GALNT17: variants seen among roughly 807,000 people sequenced by gnomAD.
GALNT17 encodes polypeptide N-acetylgalactosaminyltransferase 17.
Under a neutral mutation model 63.7 loss-of-function variants are expected in GALNT17, and 29 were observed. The ratio of observed to expected loss-of-function variants is 0.46; its 90% confidence interval spans 0.34 to 0.62. The LOEUF is 0.62. GALNT17 is among the 20% of genes least tolerant of loss of function. The probability of loss-of-function intolerance (pLI) is 0.01; values close to 1 mark genes in which losing one functional copy is unlikely to be tolerated. For synonymous variants in GALNT17, 305 were observed against 318.3 expected, an observed-to-expected ratio of 0.96 and a Z score of 0.45; for missense variants, 603 against 799.6, an observed-to-expected ratio of 0.75 and a Z score of 2.97.
intron 5 of GALNT17, among the ~76,000 whole-genome samples, chr7:71,435,540 C>A (rs1390407691): frequency 1.3e-5 from 2 of 152,172 alleles, no homozygotes. Context: ...ATTTTGCAGA[C>A]CCTGCACTTG....
intron 2 of GALNT17, among the ~76,000 whole-genome samples, chr7:71,366,600 A>G (rs1419153818): frequency 6.6e-6 from 1 of 151,866 alleles, no homozygotes; most frequent in Non-Finnish European, 1.5e-5. Flanking sequence ...ACAAACAAGA[A>G]ATCCTCTTCA....
At chr7:71,207,948 T>C (rs1789304784) in intron 1 of GALNT17, among the ~76,000 whole-genome samples, 2 of 151,732 alleles carry the variant, frequency 1.3e-5, no homozygotes, top group South Asian at 4.1e-4. Flanking sequence ...CTTTTTTTTT[T>C]TTTTGAGACA....
intron 1 of GALNT17, among the ~76,000 whole-genome samples, chr7:71,182,403 T>C (rs1468271894): frequency 1.3e-5 from 2 of 152,190 alleles, no homozygotes; most frequent in Non-Finnish European, 2.9e-5. Context: ...GGGCTGGACT[T>C]GGAGATCCAG....
intron 1 of GALNT17, among the ~76,000 whole-genome samples, chr7:71,259,650 T>TTTTG (rs1790350446): frequency 1.3e-5 from 2 of 148,540 alleles, no homozygotes; most frequent in South Asian, 2.2e-4. Flanking sequence ...TTTTTTGTTT[T>TTTTG]TTTTTTTTTG....
chr7:71,494,099 A>ACAATCACGGCT (rs1788054851), intron 5 of GALNT17, among the ~76,000 whole-genome samples: 1 of 152,148 alleles, frequency 6.6e-6, no homozygotes, highest in African/African-American at 2.4e-5. Flanking sequence ...GGGAGGCCTC[A>ACAATCACGGCT]GGAAACTTAT....
At chr7:71,670,796 G>A (rs1289832157) in intron 8 of GALNT17, among the ~76,000 whole-genome samples, 1 of 152,054 alleles carries the variant, frequency 6.6e-6, no homozygotes, top group Admixed American at 6.6e-5. Context: ...AGGTCACAGA[G>A]CGTGTAAGTC....
At chr7:71,628,448 G>A (rs951648387) in intron 6 of GALNT17, among the ~76,000 whole-genome samples, 8 of 151,944 alleles carry the variant, frequency 5.3e-5, no homozygotes, top group Admixed American at 2.0e-4. Flanking sequence ...CCAGCCTCCC[G>A]AGTAACTGGG....
At position 71,145,002 on chromosome 7, in the gene GALNT17, A is replaced by G. The variant is rs542083796; in HGVS notation, c.238+11962A>G. Among the ~76,000 whole-genome samples, 660 of 152,290 alleles carry G rather than the reference A, an allele frequency of 4.3e-3. 7 individuals carry two copies. Among genetic ancestry groups the G allele is most frequent in the Non-Finnish European group, 7.2e-3 (490 of 68,024 alleles). ...CTTGGCCTCCCAAAATGCTGGGAAT[A>G]CAGGTGTGAGCCACTGTGCCCATCT... On this transcript the variant is annotated intron_variant, in intron 1 of 10. Transcript: ENST00000333538.
chr7:71,217,643 A>T (rs1789509642), intron 1 of GALNT17, among the ~76,000 whole-genome samples: 1 of 152,086 alleles, frequency 6.6e-6, no homozygotes, highest in South Asian at 2.1e-4. Context: ...AAAAAAATTC[A>T]GGCTGGGCAT....
At chr7:71,561,894 A>G (rs1018247100) in intron 5 of GALNT17, among the ~76,000 whole-genome samples, 1 of 152,116 alleles carries the variant, frequency 6.6e-6, no homozygotes, top group Non-Finnish European at 1.5e-5. Context: ...GCCTTCTGGT[A>G]CATTCTGGAG....
chr7:71,516,203 G>A (rs1227695458), intron 5 of GALNT17, among the ~76,000 whole-genome samples: 2 of 152,052 alleles, frequency 1.3e-5, no homozygotes, highest in African/African-American at 4.8e-5. Context: ...GGCCATTTGG[G>A]GAGATAAGTA....
chr7:71,621,859 C>T (rs1790300592), intron 6 of GALNT17, among the ~76,000 whole-genome samples: 1 of 152,200 alleles, frequency 6.6e-6, no homozygotes, highest in Non-Finnish European at 1.5e-5. Context: ...CTCTTGCCCT[C>T]CTCCCTTAGA....
chr7:71,635,395 C>T (rs1447139942), intron 6 of GALNT17, among the ~76,000 whole-genome samples: 1 of 152,168 alleles, frequency 6.6e-6, no homozygotes, highest in Non-Finnish European at 1.5e-5. Context: ...GTCTGACCCC[C>T]ACTTCCCATC....
intron 1 of GALNT17, among the ~76,000 whole-genome samples, chr7:71,306,646 A>G (rs575010036): frequency 6.6e-6 from 1 of 152,236 alleles, no homozygotes; most frequent in South Asian, 2.1e-4. Flanking sequence ...TGTTTTTGCC[A>G]TTGAAAGTAA....
intron 1 of GALNT17, among the ~76,000 whole-genome samples, chr7:71,197,799 T>C (rs908948752): frequency 1.3e-5 from 2 of 152,336 alleles, no homozygotes; most frequent in South Asian, 2.1e-4. Flanking sequence ...TAGGGCTGAA[T>C]AGTACTCTAC....
chr7:71,562,889 G>A, intron 5 of GALNT17, among the ~76,000 whole-genome samples: 1 of 152,166 alleles, frequency 6.6e-6, no homozygotes, highest in Admixed American at 6.5e-5. Flanking sequence ...GAAGGGAATA[G>A]TGAGCCACTG....
intron 6 of GALNT17, among the ~76,000 whole-genome samples, chr7:71,630,275 A>C (rs1790436436): frequency 6.6e-6 from 1 of 152,200 alleles, no homozygotes; most frequent in Non-Finnish European, 1.5e-5. Flanking sequence ...ATGCTCTTAC[A>C]AGGACCATTA....
At chr7:71,662,339 T>TGTCC in intron 6 of GALNT17, among the ~76,000 whole-genome samples, 1 of 152,158 alleles carries the variant, frequency 6.6e-6, no homozygotes, top group East Asian at 1.9e-4. Flanking sequence ...TCTATCTGTC[T>TGTCC]GTCTGTCTGT....
intron 6 of GALNT17, among the ~76,000 whole-genome samples, chr7:71,591,104 T>C (rs1267299170): frequency 2.6e-5 from 4 of 152,104 alleles, no homozygotes; most frequent in African/African-American, 9.7e-5. Flanking sequence ...TCTCCCATGC[T>C]GGAATGCAGC....
Sources: allele counts gnomAD v4.1 joint callset (sites outside exome capture counted in the v4.1 genomes callset), GRCh38; gene constraint gnomAD v4.1.1; transcripts MANE v1.5; gene names NCBI Gene and HGNC (gene_info 2026-07-23, HGNC 2026-07-21).